FBXL7: variants seen among roughly 807,000 people sequenced by gnomAD.
The protein encoded by FBXL7 is F-box and leucine rich repeat protein 7, also known as F-box/LRR-repeat protein 7.
In FBXL7, 12 loss-of-function variants were observed where a neutral mutation model predicts 38.3. That is an observed-to-expected ratio of 0.31 (90% CI 0.20 to 0.51). FBXL7 has a LOEUF of 0.51. Among genes scored for constraint, FBXL7 ranks in the 20% least tolerant of loss-of-function variants. The probability of loss-of-function intolerance (pLI) is 0.98; values close to 1 mark genes in which losing one functional copy is unlikely to be tolerated. For synonymous variants in FBXL7, 297 were observed against 300.9 expected (o/e 0.99, Z 0.13); for missense variants, 567 against 676.4 (o/e 0.84, Z 1.79).
intron 2 of FBXL7, among the ~76,000 whole-genome samples, chr5:15,743,774 CTGG>C (rs1735948813): frequency 6.6e-6 from 1 of 152,248 alleles, no homozygotes; most frequent in South Asian, 2.1e-4. Context: ...AGACTTCTAC[CTGG>C]ACATCGGGTG....
At chr5:15,534,841 T>C (rs752306466) in intron 1 of FBXL7, among the ~76,000 whole-genome samples, 2 of 152,224 alleles carry the variant, frequency 1.3e-5, no homozygotes, top group Non-Finnish European at 2.9e-5. Flanking sequence ...GTGTTCTGGA[T>C]GTGGCCATTC....
rs371513091 is a variant in FBXL7 at position 15,615,996 on chromosome 5, G to A, written c.51G>A (p.Ser17=). 9.9e-6 allele frequency: 16 copies of A among 1,612,304 alleles called. No individual in the cohort carries two copies. Among genetic ancestry groups the A allele is most frequent in the Admixed American group, 1.7e-5 (1 of 59,846 alleles). Residue 17 remains serine, a synonymous_variant, in exon 2 of 4, where the codon TCG becomes TCA. Coordinates refer to ENST00000504595, the MANE Select transcript of FBXL7 (RefSeq NM_012304.5). The part of the protein sequence containing the change: ...KQYGSEGKGS[S]SISSDVSSST... ...TGTTTCTTCCAGGCAAAGGCAGCTC[G>A]AGCATCTCATCTGACGTGAGTTCAA...
intron 1 of FBXL7, among the ~76,000 whole-genome samples, chr5:15,583,940 C>T (rs535934627): frequency 1.3e-5 from 2 of 152,346 alleles, no homozygotes; most frequent in African/African-American, 4.8e-5. Flanking sequence ...TTCCAAACAT[C>T]CTCTGAAATC....
At chr5:15,542,526 A>G (rs1306733704) in intron 1 of FBXL7, among the ~76,000 whole-genome samples, 1 of 152,114 alleles carries the variant, frequency 6.6e-6, no homozygotes, top group Non-Finnish European at 1.5e-5. Context: ...TTCCAGTATA[A>G]TTACTATCTA....
intron 2 of FBXL7, among the ~76,000 whole-genome samples, chr5:15,820,336 AG>A (rs1348223544): frequency 1.3e-5 from 2 of 151,922 alleles, no homozygotes; most frequent in Non-Finnish European, 2.9e-5. Flanking sequence ...TTTTCCCTGG[AG>A]GGTCCTCCCA....
chr5:15,622,403 A>G (rs766163683), intron 2 of FBXL7, among the ~76,000 whole-genome samples: 6 of 152,100 alleles, frequency 3.9e-5, no homozygotes, highest in African/African-American at 1.4e-4. Flanking sequence ...CGTCATTTAC[A>G]TTAGGTATAT....
intron 3 of FBXL7, chr5:15,935,189 T>A (rs763862454): frequency 3.7e-6 from 2 of 534,632 alleles, no homozygotes; most frequent in Non-Finnish European, 7.7e-6. Flanking sequence ...GGGGTGCAGA[T>A]CCTTGGGAGC....
At chr5:15,663,381 G>A (rs1308193289) in intron 2 of FBXL7, among the ~76,000 whole-genome samples, 12 of 152,094 alleles carry the variant, frequency 7.9e-5, no homozygotes, top group Non-Finnish European at 1.6e-4. Flanking sequence ...GTTTTTATCA[G>A]CTGAAGAAGC....
At chr5:15,805,723 A>G (rs1207135094) in intron 2 of FBXL7, among the ~76,000 whole-genome samples, 1 of 152,196 alleles carries the variant, frequency 6.6e-6, no homozygotes, top group Non-Finnish European at 1.5e-5. Flanking sequence ...AAAAAAGGGT[A>G]TATTTAATCA....
In FBXL7 at chr5:15,548,774, A is replaced by G. The variant is rs111486529; in HGVS notation, c.37+48061A>G. On this transcript the variant is annotated intron_variant, in intron 1 of 3. Transcript: ENST00000504595. Reference sequence around the variant, plus strand: ...TACAATTTTCATGTAAGAGGTGGGTAGGGAAAAATATTCATTTATTTGTTT... The same window carrying G: ...TACAATTTTCATGTAAGAGGTGGGTGGGGAAAAATATTCATTTATTTGTTT... 9.4e-3 allele frequency among the ~76,000 whole-genome samples: 1,430 copies of G among 152,324 alleles called. 31 individuals carry two copies. The highest frequency in any genetic ancestry group is 0.032 in the African/African-American group (1,347 of 41,574).
chr5:15,685,227 T>C (rs1742981040), intron 2 of FBXL7, among the ~76,000 whole-genome samples: 1 of 152,216 alleles, frequency 6.6e-6, no homozygotes, highest in African/African-American at 2.4e-5. Flanking sequence ...ATTATGTTCA[T>C]AGTGTGAATA....
chr5:15,852,156 A>C lies in FBXL7; in HGVS notation c.128-75734A>C, dbSNP rs560219523. On this transcript the variant is annotated intron_variant, in intron 2 of 3. Transcript: ENST00000504595. ...TTGCACTATCCTTCCAAACTTTGGA[A>C]TATCTCTCTGGTATTGGATTGGTTA... Among the ~76,000 whole-genome samples the C allele has an allele frequency of 9.2e-5, 14 of 152,324 alleles. 1 individual carries two copies. The highest frequency in any genetic ancestry group is 3.4e-4 in the African/African-American group (14 of 41,580).
chr5:15,861,673 AG>A (rs1226721217), intron 2 of FBXL7, among the ~76,000 whole-genome samples: 1 of 152,226 alleles, frequency 6.6e-6, no homozygotes, highest in East Asian at 1.9e-4. Context: ...AACAGAAGAG[AG>A]AGAGCTGGTA....
intron 1 of FBXL7, among the ~76,000 whole-genome samples, chr5:15,509,518 C>A (rs1736735506): frequency 1.3e-5 from 2 of 152,062 alleles, no homozygotes; most frequent in African/African-American, 2.4e-5. Context: ...ATTGAGTTAC[C>A]CTCTAAGTAA....
intron 1 of FBXL7, among the ~76,000 whole-genome samples, chr5:15,522,077 C>T (rs1197138367): frequency 2.0e-5 from 3 of 152,182 alleles, no homozygotes; most frequent in South Asian, 2.1e-4. Context: ...ATGTAAATCC[C>T]CCATGGGAAT....
chr5:15,553,202 A>C (rs557738136), intron 1 of FBXL7, among the ~76,000 whole-genome samples: 1 of 152,018 alleles, frequency 6.6e-6, no homozygotes, highest in Non-Finnish European at 1.5e-5. Flanking sequence ...TTCATTGCCT[A>C]TCGTGGTTTC....
At chr5:15,660,014 C>T (rs1179078065) in intron 2 of FBXL7, among the ~76,000 whole-genome samples, 1 of 152,162 alleles carries the variant, frequency 6.6e-6, no homozygotes, top group Non-Finnish European at 1.5e-5. Context: ...TAGTGAATTC[C>T]ATACCACCAT....
At chr5:15,828,523 A>G (rs1183544420) in intron 2 of FBXL7, among the ~76,000 whole-genome samples, 1 of 152,220 alleles carries the variant, frequency 6.6e-6, no homozygotes, top group Non-Finnish European at 1.5e-5. Flanking sequence ...TCATTAACTG[A>G]ATAGAACATA....
intron 2 of FBXL7, among the ~76,000 whole-genome samples, chr5:15,922,852 C>T (rs1741780800): frequency 6.6e-6 from 1 of 152,144 alleles, no homozygotes. Context: ...AGTGTTACTG[C>T]TAAACTGTAT....
Sources: allele counts gnomAD v4.1 joint callset (sites outside exome capture counted in the v4.1 genomes callset), GRCh38; gene constraint gnomAD v4.1.1; transcripts MANE v1.5; gene names NCBI Gene and HGNC (gene_info 2026-07-23, HGNC 2026-07-21).